The following CNGB3 variants were observed in gnomAD, a reference collection of about 807,000 sequenced individuals.
CNGB3 encodes cyclic nucleotide gated channel subunit beta 3.
Under a neutral mutation model 92.8 loss-of-function variants are expected in CNGB3, and 86 were observed. That is an observed-to-expected ratio of 0.93 (90% CI 0.78 to 1.11). The LOEUF is 1.11. Ranked by LOEUF, CNGB3 falls within the 50% of genes least tolerant of loss-of-function variation. CNGB3 has a pLI of 0.00. For synonymous variants in CNGB3, 333 were observed against 332.7 expected, an observed-to-expected ratio of 1.00 and a Z score of -0.01; for missense variants, 1,026 against 956.8, an observed-to-expected ratio of 1.07 and a Z score of -0.95.
chr8:86,708,775 T>C (rs1348501007), intron 3 of CNGB3, among the ~76,000 whole-genome samples: 1 of 152,010 alleles, frequency 6.6e-6, no homozygotes, highest in Non-Finnish European at 1.5e-5. Context: ...CTTGCTCTGT[T>C]GCCCAGGCTA....
chr8:86,574,239 T>C lies in CNGB3; in HGVS notation c.*1565A>G, dbSNP rs980840656. 6 of 152,216 alleles carry C rather than the reference T, an allele frequency of 3.9e-5. No individual in the cohort carries two copies. The highest frequency in any genetic ancestry group is 7.3e-5 in the Non-Finnish European group (5 of 68,032). 9.4% of individuals were successfully genotyped at this position (152,216 alleles called of 1,614,324 possible). On this transcript the variant is annotated 3_prime_UTR_variant, in exon 18 of 18. Transcript: ENST00000320005. ...AATTACAGGGTGTAAAGGGAAAGCA[T>C]ATTGCTCACAAGTTGAGGACTTTTG...
chr8:86,702,616 C>G (rs1824575671), intron 3 of CNGB3, among the ~76,000 whole-genome samples: 2 of 152,132 alleles, frequency 1.3e-5, no homozygotes, highest in South Asian at 4.1e-4. Flanking sequence ...ATCTCCCCTT[C>G]TCTAGCATTG....
chr8:86,648,364 T>C (rs1397430145), intron 7 of CNGB3, among the ~76,000 whole-genome samples: 1 of 151,264 alleles, frequency 6.6e-6, no homozygotes, highest in Non-Finnish European at 1.5e-5. Flanking sequence ...GGCTCTTCAA[T>C]GCTTTCTACT....
intron 15 of CNGB3, chr8:86,593,642 C>T (rs1822103212): frequency 5.9e-6 from 3 of 507,374 alleles, no homozygotes; most frequent in East Asian, 3.9e-5. Context: ...TGGGGTTCCC[C>T]ACTGAGGTGG....
At chr8:86,658,045 A>G in intron 6 of CNGB3, 2 of 537,366 alleles carry the variant, frequency 3.7e-6, no homozygotes, top group Non-Finnish European at 3.5e-6. Context: ...CATGAGCTCC[A>G]TAAAGTGGCT....
At position 86,635,847 on chromosome 8, in the gene CNGB3, TATATATATATATATATAC is replaced by T. The variant is rs1354739454; in HGVS notation, c.1179-2972_1179-2955del. ...ATATATATATATATATATATATATA[TATATATATATATATATAC>T]ACATACACATATACTTAGGCATACT... On this transcript the variant is annotated intron_variant, in intron 10 of 17. Coordinates refer to ENST00000320005, the MANE Select transcript of CNGB3 (RefSeq NM_019098.5). Among the ~76,000 whole-genome samples the T allele has an allele frequency of 9.9e-3, 726 of 73,348 alleles. 12 individuals carry two copies. Among genetic ancestry groups the T allele is most frequent in the Non-Finnish European group, 0.012 (487 of 40,314 alleles). 48.1% of individuals were successfully genotyped at this position (73,348 alleles called of 152,430 possible).
chr8:86,635,883 G>A (rs997880228), intron 10 of CNGB3, among the ~76,000 whole-genome samples: 17 of 103,858 alleles, frequency 1.6e-4, no homozygotes, highest in Admixed American at 1.1e-4. Flanking sequence ...CATATACTTA[G>A]GCATACTTAA....
chr8:86,736,921 G>T (rs530541877), intron 2 of CNGB3, among the ~76,000 whole-genome samples: 169 of 152,216 alleles, frequency 1.1e-3, no homozygotes, highest in African/African-American at 3.8e-3. Context: ...ACATAATCTA[G>T]CGGTTGAACA....
At chr8:86,603,131 T>G (rs1426292915) in intron 15 of CNGB3, among the ~76,000 whole-genome samples, 1 of 152,220 alleles carries the variant, frequency 6.6e-6, no homozygotes, top group Non-Finnish European at 1.5e-5. Flanking sequence ...CCACTGCATC[T>G]AAGTTGTGTC....
chr8:86,586,329 T>C (rs911405589), intron 15 of CNGB3, among the ~76,000 whole-genome samples: 2 of 80,632 alleles, frequency 2.5e-5, no homozygotes, highest in Non-Finnish European at 3.8e-5. Flanking sequence ...AGATAATATT[T>C]TTTTTTAAAT....
At chr8:86,596,600 C>A (rs911312446) in intron 15 of CNGB3, among the ~76,000 whole-genome samples, 1 of 152,164 alleles carries the variant, frequency 6.6e-6, no homozygotes, top group Non-Finnish European at 1.5e-5. Flanking sequence ...CTTATGTGGA[C>A]CAGCCACTGC....
At chr8:86,588,043 A>G (rs1362202755) in intron 15 of CNGB3, among the ~76,000 whole-genome samples, 1 of 140,138 alleles carries the variant, frequency 7.1e-6, no homozygotes, top group Non-Finnish European at 1.5e-5. Context: ...CTCCTTGAAG[A>G]GGTCCTTCAC....
rs112808570 is a variant in CNGB3, at chr8:86,739,385, C to T, written c.211+270G>A. Among the ~76,000 whole-genome samples the T allele has an allele frequency of 8.5e-3, 1,299 of 152,298 alleles. 21 individuals carry two copies. Among genetic ancestry groups the T allele is most frequent in the African/African-American group, 0.03 (1,237 of 41,560 alleles). On this transcript the variant is annotated intron_variant, in intron 2 of 17. Transcript: ENST00000320005. Reference sequence around the variant, plus strand: ...ACTACAAGCTCTATGTAACCTCAGACTCTGCCCATGTTGCTCATTACTGCA... The same window carrying T: ...ACTACAAGCTCTATGTAACCTCAGATTCTGCCCATGTTGCTCATTACTGCA...
chr8:86,578,194 C>A (rs1368158920), intron 17 of CNGB3, among the ~76,000 whole-genome samples: 1 of 152,124 alleles, frequency 6.6e-6, no homozygotes, highest in African/African-American at 2.4e-5. Context: ...CAGGTGTGAG[C>A]CACCGCACCC....
intron 15 of CNGB3, among the ~76,000 whole-genome samples, chr8:86,591,652 A>G (rs1016636561): frequency 3.3e-5 from 5 of 152,334 alleles, no homozygotes; most frequent in East Asian, 1.9e-4. Context: ...TAGGCTGCTC[A>G]GGGGTCAGGG....
chr8:86,704,298 G>C (rs528410000), intron 3 of CNGB3: 1 of 152,270 alleles, frequency 6.6e-6, no homozygotes, highest in Non-Finnish European at 1.5e-5. Flanking sequence ...CTGAGGAGGA[G>C]CAAGAAGAGG....
At chr8:86,579,289 C>T (rs1215935590) in intron 15 of CNGB3, 37 bp from the exon 16 acceptor site, 5 of 1,611,138 alleles carry the variant, frequency 3.1e-6, no homozygotes, top group Non-Finnish European at 3.4e-6. Context: ...CCACCAGTTT[C>T]AGTTTTCCTC....
At chr8:86,684,943 A>G (rs1361834939) in intron 3 of CNGB3, among the ~76,000 whole-genome samples, 1 of 152,124 alleles carries the variant, frequency 6.6e-6, no homozygotes, top group African/African-American at 2.4e-5. Context: ...AAAATTGCAC[A>G]AAACTAAATA....
rs375524869 is a variant in CNGB3, at chr8:86,632,759, A to G, written c.1313T>C (p.Ile438Thr). The G allele has an allele frequency of 3.1e-6, 5 of 1,613,168 alleles. No homozygotes were observed. Among genetic ancestry groups the G allele is most frequent in the African/African-American group, 1.3e-5 (1 of 75,024 alleles). ...GATTCATACTCAGCTTACCTGACCA[A>G]TTAAACTGGAGAACACAAAAACTCC... ...FSGVFVFSSL[I>T]GQMRDVIGAA... Residue 438 changes from isoleucine (I) to threonine (T), a missense_variant, in exon 11 of 18, where the codon ATT becomes ACT. Transcript: ENST00000320005.
Sources: gnomAD v4.1 joint callset for allele counts (sites outside exome capture counted in the v4.1 genomes callset) on GRCh38, gnomAD v4.1.1 for gene constraint, MANE v1.5 for transcripts, NCBI Gene and HGNC (gene_info 2026-07-23, HGNC 2026-07-21) for gene names.